Variants in PROSER2 observed in about 807,000 individuals in gnomAD.
PROSER2 encodes the protein proline and serine rich 2.
In PROSER2, 18 loss-of-function variants were observed where a neutral mutation model predicts 14.6. The ratio of observed to expected loss-of-function variants is 1.23; its 90% CI spans 0.85 to 1.83. PROSER2 has a LOEUF of 1.83. Ranked by LOEUF, PROSER2 falls within the 40% of genes most tolerant of loss-of-function variation. The pLI, the probability that PROSER2 is intolerant of heterozygous loss-of-function variation, is 0.00. For synonymous variants in PROSER2, 367 were observed against 286.4 expected, an observed-to-expected ratio of 1.28 and a Z score of -2.84; for missense variants, 823 against 629.8, an observed-to-expected ratio of 1.31 and a Z score of -3.28.
rs1322369401 is a variant in PROSER2, at chr10:11,869,522, C to G, written c.424C>G (p.Gln142Glu). ...PAPAGKEHRK[Q>E]DAETPPPPDP... Reference sequence around the variant, plus strand: ...ACCTGCTGGGAAGGAGCACAGGAAACAAGATGCTGAGACTCCTCCACCTCC... The same window carrying G: ...ACCTGCTGGGAAGGAGCACAGGAAAGAAGATGCTGAGACTCCTCCACCTCC... Residue 142 changes from glutamine to glutamate, a missense_variant, in exon 4 of 4, where the codon CAA becomes GAA. By Grantham distance (29) the Gln-to-Glu change is conservative. Transcript: ENST00000277570. The surrounding 1 kb of genome is among the most constrained non-coding windows in gnomAD (Gnocchi z 4.4). 1 of 1,613,770 alleles carries G rather than the reference C, an allele frequency of 6.2e-7. No homozygotes were observed. The highest frequency in any genetic ancestry group is 1.3e-5 in the African/African-American group (1 of 74,878).
At chr10:11,828,481 C>G (rs1490883580) in intron 1 of PROSER2, among the ~76,000 whole-genome samples, 1 of 152,084 alleles carries the variant, frequency 6.6e-6, no homozygotes, top group Non-Finnish European at 1.5e-5. Flanking sequence ...GCAGGCGGAT[C>G]ACCTGAGGTC....
chr10:11,869,856 TC>T lies in PROSER2; in HGVS notation c.762del (p.Ser255AlafsTer98). On this transcript the variant is annotated frameshift_variant, in exon 4 of 4. Transcript: ENST00000277570. LOFTEE classifies it low-confidence loss of function (END_TRUNC). The surrounding 1 kb of genome is among the most constrained non-coding windows in gnomAD (Gnocchi z 4.4). ...CCGGCGCAGCCCAAGGCACCCCGCT[TC>T]CCCAGCAACATCATCGTCACCAACG... ...SHPAQPKAPR[F>X]PSNIIVTNGA... 1 of 1,591,640 alleles carries T rather than the reference TC, an allele frequency of 6.3e-7. No homozygotes were observed. Among genetic ancestry groups the T allele is most frequent in the South Asian group, 1.1e-5 (1 of 87,934 alleles).
intron 1 of PROSER2, chr10:11,850,979 G>A (rs764354766): frequency 4.6e-5 from 7 of 152,284 alleles, no homozygotes; most frequent in Non-Finnish European, 7.3e-5. Context: ...AGCACTGTGG[G>A]AGGCCAAGGC....
In PROSER2 at chr10:11,840,937, AAAAAAAAAAAAAAAAAAAATAT is replaced by A. The variant is rs1223915204; in HGVS notation, c.-81-11058_-81-11037del. ...GAGACTGTCTCAAAAAAAAAAAAAA[AAAAAAAAAAAAAAAAAAAATAT>A]ATATATATATATATATATATATATA... is the stretch of plus-strand genomic sequence containing the variant. On this transcript the variant is annotated intron_variant, in intron 1 of 3. Coordinates refer to ENST00000277570, the MANE Select transcript of PROSER2 (RefSeq NM_153256.4). 1.6e-4 allele frequency among the ~76,000 whole-genome samples: 11 copies of A among 69,596 alleles called. No individual in the cohort carries two copies. The South Asian group carries it at 4.3e-3, about 27-fold the overall frequency. 45.7% of individuals were successfully genotyped at this position (69,596 alleles called of 152,430 possible).
chr10:11,870,631 C>T lies in PROSER2; in HGVS notation c.*225C>T, dbSNP rs1350871166. 1 of 457,602 alleles carries T rather than the reference C, an allele frequency of 2.2e-6. No homozygotes were observed. The highest frequency in any genetic ancestry group is 4.0e-6 in the Non-Finnish European group (1 of 253,018). The allele number at this position is 457,602 out of a possible 1,614,324, so 28.3% of individuals were successfully genotyped here. A position where few individuals can be genotyped will look rare whatever the true frequency, so the allele number is the denominator to read the frequency against. ...AGAACTCTTCCCTAAAGGAATCTGG[C>T]CGAGGGCTTGTCTCCCTTTTCCCAA... On this transcript the variant is annotated 3_prime_UTR_variant, in exon 4 of 4. Transcript: ENST00000277570.
chr10:11,824,859 A>G (rs752060560), intron 1 of PROSER2, among the ~76,000 whole-genome samples: 2 of 152,218 alleles, frequency 1.3e-5, no homozygotes, highest in Non-Finnish European at 2.9e-5. Context: ...GAAGGCTGGA[A>G]AGAGGAGCGA....
At chr10:11,864,869 G>T (rs562171988) in intron 2 of PROSER2, among the ~76,000 whole-genome samples, 1 of 152,126 alleles carries the variant, frequency 6.6e-6, no homozygotes, top group African/African-American at 2.4e-5. Flanking sequence ...GATTACAGGC[G>T]TGAGCCACCG....
rs748183933 is a variant in PROSER2 at position 11,866,788 on chromosome 10, G to C, written c.391+5G>C. 2 of 1,607,546 alleles carry C rather than the reference G, an allele frequency of 1.2e-6. No homozygotes were observed. The highest frequency in any genetic ancestry group is 4.5e-5 in the East Asian group (2 of 44,814). ...CAGAGGGGACCCAGGCAGCAGGTGA[G>C]GGGGAAGACAGGCCATCCCTGGGAT... On this transcript the variant is annotated splice_donor_5th_base_variant and intron_variant, in intron 3 of 3. Coordinates refer to ENST00000277570, the MANE Select transcript of PROSER2 (RefSeq NM_153256.4). The surrounding 1 kb of genome is among the most constrained non-coding windows in gnomAD (Gnocchi z 6.0).
At chr10:11,863,971 T>G (rs1278913208) in intron 2 of PROSER2, among the ~76,000 whole-genome samples, 1 of 152,114 alleles carries the variant, frequency 6.6e-6, no homozygotes, top group African/African-American at 2.4e-5. Flanking sequence ...GGAGCCCTCG[T>G]TATTCTGGGA....
In PROSER2 at chr10:11,869,919, C is replaced by T. The variant is rs1186708228; in HGVS notation, c.821C>T (p.Ala274Val). The T allele has an allele frequency of 8.3e-6, 13 of 1,565,916 alleles. No individual in the cohort carries two copies. The highest frequency in any genetic ancestry group is 1.1e-5 in the Non-Finnish European group (13 of 1,159,820). ...AREPRRTLSR[A>V]AVSVQERRAQ... The stretch of plus-strand genomic sequence containing the variant: ...GAGCCCCGCAGGACCCTGTCCAGGG[C>T]GGCCGTCAGCGTGCAGGAGCGCAGG... The change falls in exon 4 of 4, where the codon GCG (alanine) becomes GTG (valine). Residue 274 changes from alanine (A) to valine (V), a missense_variant. Transcript: ENST00000277570. This position sits in a 1 kb window ranked among gnomAD's most constrained non-coding sequence, Gnocchi z 4.4.
rs748411314 is a variant in PROSER2, at chr10:11,866,136, G to C, written c.139-395G>C. The stretch of plus-strand genomic sequence containing the variant: ...TTCGTTTTAGTACGGTTTCTGGTGA[G>C]AAAGGAGATAAATATGTGAGTTCAA... On this transcript the variant is annotated intron_variant, in intron 2 of 3. Transcript: ENST00000277570. The surrounding 1 kb of genome is among the most constrained non-coding windows in gnomAD (Gnocchi z 6.0). Among the ~76,000 whole-genome samples the C allele has an allele frequency of 5.3e-5, 8 of 152,140 alleles. No homozygotes were observed. The highest frequency in any genetic ancestry group is 1.0e-4 in the Non-Finnish European group (7 of 68,028).
At chr10:11,832,043 C>T (rs1316414154) in intron 1 of PROSER2, among the ~76,000 whole-genome samples, 1 of 152,130 alleles carries the variant, frequency 6.6e-6, no homozygotes, top group Non-Finnish European at 1.5e-5. Context: ...AAAGCATGAT[C>T]ATTCTTCCAG....
chr10:11,866,741 G>A lies in PROSER2; in HGVS notation c.349G>A (p.Ala117Thr), dbSNP rs61735194. ...VIDLVQPAPG[A>T]GEAEGLPEGT... Reference sequence around the variant, plus strand: ...CGACTTAGTGCAGCCAGCACCTGGCGCCGGGGAAGCCGAGGGCCTTCCAGA... The same window carrying A: ...CGACTTAGTGCAGCCAGCACCTGGCACCGGGGAAGCCGAGGGCCTTCCAGA... Residue 117 changes from alanine to threonine, a missense_variant, in exon 3 of 4, where the codon GCC becomes ACC. Ala to Thr is a moderately conservative substitution (Grantham distance 58, BLOSUM62 0). Transcript: ENST00000277570. This position sits in a 1 kb window ranked among gnomAD's most constrained non-coding sequence, Gnocchi z 6.0. The A allele has an allele frequency of 7.4e-3, 11,908 of 1,613,144 alleles. 714 individuals carry two copies. The African/African-American group carries it at 0.13, about 18-fold the overall frequency.
rs558283551 is a variant in PROSER2 at position 11,842,931 on chromosome 10, C to CTTTTTTTT, written c.-81-9046_-81-9039dup. ...TTTTCTATACTATTTTGCCATTGTT[C>CTTTTTTTT]TTTTTTTTTTTTTTTTTTTTTTTTT... On this transcript the variant is annotated intron_variant, in intron 1 of 3. Coordinates refer to ENST00000277570, the MANE Select transcript of PROSER2 (RefSeq NM_153256.4). Among the ~76,000 whole-genome samples the CTTTTTTTT allele has an allele frequency of 6.6e-3, 343 of 51,928 alleles. 51 individuals carry two copies. Among genetic ancestry groups the CTTTTTTTT allele is most frequent in the South Asian group, 9.2e-3 (9 of 976 alleles). The allele number at this position is 51,928 out of a possible 152,430, so 34.1% of individuals were successfully genotyped here.
intron 1 of PROSER2, among the ~76,000 whole-genome samples, chr10:11,828,441 C>T (rs1307935140): frequency 6.6e-6 from 1 of 152,116 alleles, no homozygotes. Flanking sequence ...GTGGCTTACA[C>T]CTGTAATCCC....
At chr10:11,860,711 G>C (rs1197192041) in intron 2 of PROSER2, among the ~76,000 whole-genome samples, 1 of 152,182 alleles carries the variant, frequency 6.6e-6, no homozygotes, top group South Asian at 2.1e-4. Context: ...AGGAACTCTG[G>C]GATGAAATGT....
At position 11,869,905 on chromosome 10, in the gene PROSER2, G is replaced by C. The variant is rs986214325; in HGVS notation, c.807G>C (p.Arg269Ser). The change falls in exon 4 of 4, where the codon AGG becomes AGC. Residue 269 changes from arginine (R) to serine (S), a missense_variant. Coordinates refer to ENST00000277570, the MANE Select transcript of PROSER2 (RefSeq NM_153256.4). This position sits in a 1 kb window ranked among gnomAD's most constrained non-coding sequence, Gnocchi z 4.4. Reference protein sequence around the residue: ...VTNGAAREPRRTLSRAAVSVQ... With the variant: ...VTNGAAREPRSTLSRAAVSVQ... ...ACGGCGCGGCCCGGGAGCCCCGCAGGACCCTGTCCAGGGCGGCCGTCAGCG... is the reference window on the plus strand; with the variant it reads ...ACGGCGCGGCCCGGGAGCCCCGCAGCACCCTGTCCAGGGCGGCCGTCAGCG... 6.3e-7 allele frequency: 1 copy of C among 1,584,180 alleles called. No homozygotes were observed. The highest frequency in any genetic ancestry group is 8.6e-7 in the Non-Finnish European group (1 of 1,168,440).
chr10:11,844,910 C>G (rs1833902330), intron 1 of PROSER2, among the ~76,000 whole-genome samples: 1 of 152,238 alleles, frequency 6.6e-6, no homozygotes, highest in Non-Finnish European at 1.5e-5. Context: ...GCATAAGCCA[C>G]CACTCCCAGC....
rs1222313481 is a variant in PROSER2, at chr10:11,870,237, G to T, written c.1139G>T (p.Arg380Leu). 2.0e-6 allele frequency: 3 copies of T among 1,489,076 alleles called. No individual in the cohort carries two copies. The highest frequency in any genetic ancestry group is 1.8e-6 in the Non-Finnish European group (2 of 1,127,350). 92.2% of individuals were successfully genotyped at this position (1,489,076 alleles called of 1,614,324 possible). The change falls in exon 4 of 4, where the codon CGT becomes CTT. Residue 380 changes from arginine (R) to leucine (L), a missense_variant. Transcript: ENST00000277570. ...CCGGCCCTGCCCAGCACGCGGGCCC[G>T]TCAGAGCTTCCCCGGGCCCCGGCAG... ...PGPALPSTRA[R>L]QSFPGPRQPN...
Sources: allele counts gnomAD v4.1 joint callset (sites outside exome capture counted in the v4.1 genomes callset), GRCh38; gene constraint gnomAD v4.1.1; non-coding constraint Gnocchi (gnomAD v3.1); transcripts MANE v1.5; gene names NCBI Gene and HGNC (gene_info 2026-07-23, HGNC 2026-07-21).